Variants in RTN1 observed in about 807,000 individuals in gnomAD.
The protein encoded by RTN1 is reticulon 1, also known as reticulon-1.
A neutral mutation model predicts 65.5 loss-of-function variants in RTN1; 25 were observed. That is an observed-to-expected ratio of 0.38 (90% CI 0.28 to 0.53). The LOEUF (loss-of-function observed/expected upper bound fraction) is 0.53, where lower values mean the gene tolerates loss of function less well. Ranked by LOEUF, RTN1 falls within the 20% of genes least tolerant of loss-of-function variation. The pLI is 0.79. For synonymous variants in RTN1, 471 were observed against 447.6 expected (o/e 1.05, Z -0.66); for missense variants, 983 against 1,025.4 (o/e 0.96, Z 0.57).
intron 8 of RTN1, among the ~76,000 whole-genome samples, chr14:59,599,724 A>T (rs1881520398): frequency 6.6e-6 from 1 of 152,228 alleles, no homozygotes; most frequent in Non-Finnish European, 1.5e-5. Flanking sequence ...CTGAGTATCT[A>T]CAGTTTTACT....
intron 1 of RTN1, among the ~76,000 whole-genome samples, chr14:59,749,958 ATATATATTATATACATATAT>A (rs1244989179): frequency 2.9e-5 from 3 of 102,424 alleles, no homozygotes; most frequent in East Asian, 2.3e-4. Flanking sequence ...TATATGTTAT[ATATATATTATATACATATAT>A]TATATATTAT....
chr14:59,624,923 C>T (rs1440635992), intron 3 of RTN1, among the ~76,000 whole-genome samples: 1 of 152,212 alleles, frequency 6.6e-6, no homozygotes, highest in Non-Finnish European at 1.5e-5. Flanking sequence ...AGGCCCAACT[C>T]ATAATAGATC....
rs563816154 is a variant in RTN1, at chr14:59,762,230, T to G, written c.242-15749A>C. ...GGACATCCCCATTGAATTACTGGCCTGGGGTTGGACATCCCCATCAAATCA... is the reference window on the plus strand; with the variant it reads ...GGACATCCCCATTGAATTACTGGCCGGGGGTTGGACATCCCCATCAAATCA... On this transcript the variant is annotated intron_variant, in intron 1 of 8. Transcript: ENST00000267484. 7.9e-5 allele frequency among the ~76,000 whole-genome samples: 12 copies of G among 152,302 alleles called. No homozygotes were observed. In the South Asian group the frequency reaches 2.1e-3, roughly 26 times the overall value.
At chr14:59,852,614 A>G (rs1306193780) in intron 1 of RTN1, among the ~76,000 whole-genome samples, 1 of 152,136 alleles carries the variant, frequency 6.6e-6, no homozygotes, top group Non-Finnish European at 1.5e-5. Context: ...ATTCACATAG[A>G]CCCATCATTA....
At chr14:59,647,476 C>A (rs1053460579) in intron 3 of RTN1, among the ~76,000 whole-genome samples, 1 of 152,172 alleles carries the variant, frequency 6.6e-6, no homozygotes, top group African/African-American at 2.4e-5. Flanking sequence ...GAACTCTCCA[C>A]CCCAAAACAA....
At chr14:59,857,911 G>T (rs1314762532) in intron 1 of RTN1, among the ~76,000 whole-genome samples, 1 of 152,052 alleles carries the variant, frequency 6.6e-6, no homozygotes, top group African/African-American at 2.4e-5. Flanking sequence ...TCACTTCCTT[G>T]TCATCATCCC....
intron 3 of RTN1, among the ~76,000 whole-genome samples, chr14:59,616,301 A>G (rs1352867082): frequency 6.6e-6 from 1 of 152,168 alleles, no homozygotes; most frequent in Non-Finnish European, 1.5e-5. Flanking sequence ...GAGGTAACAA[A>G]TTTTCTTGTC....
At position 59,619,218 on chromosome 14, in the gene RTN1, A is replaced by T. The variant is rs562738227; in HGVS notation, c.1766-11726T>A. On this transcript the variant is annotated intron_variant, in intron 3 of 8. Coordinates refer to ENST00000267484, the MANE Select transcript of RTN1 (RefSeq NM_021136.3). ...GAAAACAGCATTTCAAAGCTGGGTGACTGAGTAATTAGTATCACTGCCAAA... is the reference window on the plus strand; with the variant it reads ...GAAAACAGCATTTCAAAGCTGGGTGTCTGAGTAATTAGTATCACTGCCAAA... Among the ~76,000 whole-genome samples the T allele has an allele frequency of 1.2e-4, 18 of 152,346 alleles. No individual in the cohort carries two copies. In the South Asian group the frequency reaches 3.7e-3, roughly 32 times the overall value.
At chr14:59,750,307 A>T (rs1441063636) in intron 1 of RTN1, among the ~76,000 whole-genome samples, 3 of 28,816 alleles carry the variant, frequency 1.0e-4, no homozygotes, top group Middle Eastern at 0.062. Context: ...ATAATATATA[A>T]TATATAATAT....
intron 3 of RTN1, among the ~76,000 whole-genome samples, chr14:59,704,877 G>C (rs1445942193): frequency 6.6e-6 from 1 of 152,096 alleles, no homozygotes; most frequent in African/African-American, 2.4e-5. Flanking sequence ...GAACATACTG[G>C]GTTGGGGGAA....
At chr14:59,752,335 A>G (rs549387971) in intron 1 of RTN1, among the ~76,000 whole-genome samples, 3 of 152,228 alleles carry the variant, frequency 2.0e-5, no homozygotes, top group East Asian at 3.9e-4. Context: ...GTAATTTCAC[A>G]TGGTAGAAAG....
At chr14:59,743,882 A>G (rs1417357351) in intron 2 of RTN1, among the ~76,000 whole-genome samples, 1 of 152,198 alleles carries the variant, frequency 6.6e-6, no homozygotes, top group Non-Finnish European at 1.5e-5. Flanking sequence ...CCCTGGAGGC[A>G]GGGACTGGTT....
At chr14:59,616,872 A>G (rs1356017963) in intron 3 of RTN1, among the ~76,000 whole-genome samples, 1 of 152,240 alleles carries the variant, frequency 6.6e-6, no homozygotes, top group Non-Finnish European at 1.5e-5. Context: ...AACATTGCTA[A>G]ACCTTTTCTT....
intron 1 of RTN1, among the ~76,000 whole-genome samples, chr14:59,839,012 A>G (rs759485246): frequency 3.9e-5 from 6 of 152,170 alleles, no homozygotes; most frequent in Non-Finnish European, 5.9e-5. Context: ...TTTCATAAGG[A>G]AACAGCATCA....
chr14:59,710,751 T>C (rs1884401756), intron 3 of RTN1, among the ~76,000 whole-genome samples: 1 of 152,220 alleles, frequency 6.6e-6, no homozygotes, highest in South Asian at 2.1e-4. Context: ...ACAGCCCATC[T>C]GAGTGGCCTC....
Position 59,776,789 on chromosome 14 carries a change from C to T in RTN1, c.242-30308G>A, listed in dbSNP as rs562575762. 4.6e-5 allele frequency among the ~76,000 whole-genome samples: 7 copies of T among 152,046 alleles called. No individual in the cohort carries two copies. In the South Asian group the frequency reaches 8.3e-4, roughly 18 times the overall value. Reference sequence around the variant, plus strand: ...ATGAAAAATTTATTTCAGGAGGAGGCGTAAAAAACCTATTTTACCACAAGT... The same window carrying T: ...ATGAAAAATTTATTTCAGGAGGAGGTGTAAAAAACCTATTTTACCACAAGT... On this transcript the variant is annotated intron_variant, in intron 1 of 8. Transcript: ENST00000267484.
At chr14:59,703,206 T>C (rs542330273) in intron 3 of RTN1, among the ~76,000 whole-genome samples, 5 of 152,210 alleles carry the variant, frequency 3.3e-5, no homozygotes, top group Non-Finnish European at 5.9e-5. Flanking sequence ...ATAATTTGCA[T>C]ATATATTATA....
chr14:59,732,432 T>C (rs557606680), intron 2 of RTN1, among the ~76,000 whole-genome samples: 8 of 152,126 alleles, frequency 5.3e-5, no homozygotes, highest in African/African-American at 9.7e-5. Context: ...CTGGGATTGA[T>C]TGGGGAAACA....
intron 1 of RTN1, among the ~76,000 whole-genome samples, chr14:59,869,971 A>C (rs1173983876): frequency 6.6e-6 from 1 of 152,070 alleles, no homozygotes; most frequent in Non-Finnish European, 1.5e-5. Flanking sequence ...GGTTGTCAGC[A>C]TCTCCTGTAG....
Sources: allele counts gnomAD v4.1 joint callset (sites outside exome capture counted in the v4.1 genomes callset), GRCh38; gene constraint gnomAD v4.1.1; transcripts MANE v1.5; gene names NCBI Gene and HGNC (gene_info 2026-07-23, HGNC 2026-07-21).